Variants in MBOAT2 observed in about 807,000 individuals in gnomAD.
The protein encoded by MBOAT2 is membrane bound glycerophospholipid O-acyltransferase 2, also known as membrane-bound glycerophospholipid O-acyltransferase 2.
Under a neutral mutation model 63.4 loss-of-function variants are expected in MBOAT2, and 28 were observed. The observed-to-expected ratio is 0.44, with a 90% CI of 0.33 to 0.61. The LOEUF is 0.61. Ranked by LOEUF, MBOAT2 falls within the 20% of genes least tolerant of loss-of-function variation. The probability of loss-of-function intolerance (pLI) is 0.03; values close to 1 mark genes in which losing one functional copy is unlikely to be tolerated. For missense variants in MBOAT2, 470 were observed against 605.8 expected (o/e 0.78, Z 2.35); for synonymous variants, 211 against 215.6 (o/e 0.98, Z 0.19).
intron 1 of MBOAT2, among the ~76,000 whole-genome samples, chr2:8,959,953 T>C (rs554085540): frequency 8.5e-5 from 13 of 152,342 alleles, no homozygotes; most frequent in East Asian, 5.8e-4. Flanking sequence ...GCTATTTCCA[T>C]AGACCCATAG....
intron 1 of MBOAT2, among the ~76,000 whole-genome samples, chr2:8,995,856 G>A (rs368603205): frequency 6.6e-6 from 1 of 152,170 alleles, no homozygotes; most frequent in African/African-American, 2.4e-5. Context: ...CTCCCAAAGT[G>A]CTGGGATTAC....
intron 1 of MBOAT2, among the ~76,000 whole-genome samples, chr2:8,990,270 G>T (rs1022648219): frequency 2.6e-5 from 4 of 152,058 alleles, no homozygotes; most frequent in Non-Finnish European, 5.9e-5. Context: ...CATTTCACAA[G>T]GGCTAAACTC....
At chr2:8,949,949 T>C (rs1028408601) in intron 2 of MBOAT2, among the ~76,000 whole-genome samples, 8 of 152,216 alleles carry the variant, frequency 5.3e-5, no homozygotes, top group Non-Finnish European at 1.0e-4. Flanking sequence ...TTCCAATCCA[T>C]AAGCTGAGAG....
In MBOAT2 at chr2:8,858,670, C is replaced by A; in HGVS notation, c.*9G>T. On this transcript the variant is annotated 3_prime_UTR_variant, in exon 13 of 13. Transcript: ENST00000305997. ...CAAAAAAAAAAAACAGCCCTCAGAG[C>A]CTTCCCGATCACTGCTTTAGTGATG... The A allele has an allele frequency of 6.3e-7, 1 of 1,586,292 alleles. No homozygotes were observed. The highest frequency in any genetic ancestry group is 8.6e-7 in the Non-Finnish European group (1 of 1,163,776).
chr2:8,907,425 T>C (rs1231676113), intron 4 of MBOAT2, among the ~76,000 whole-genome samples: 1 of 152,238 alleles, frequency 6.6e-6, no homozygotes, highest in Non-Finnish European at 1.5e-5. Flanking sequence ...GCAATTCTTT[T>C]AAACTTATAT....
At chr2:8,914,489 GA>G (rs572618785) in intron 3 of MBOAT2, among the ~76,000 whole-genome samples, 11,605 of 133,952 alleles carry the variant, frequency 0.087, 469 homozygotes, top group Middle Eastern at 0.1. Context: ...GAGAGTTCAG[GA>G]AAAAAAAAAA....
chr2:8,962,003 G>A (rs776627579), intron 1 of MBOAT2, among the ~76,000 whole-genome samples: 2 of 152,066 alleles, frequency 1.3e-5, no homozygotes, highest in Non-Finnish European at 2.9e-5. Context: ...CCTGCAGTCC[G>A]CAGCTCTCCC....
chr2:8,886,702 G>C (rs972199418), intron 5 of MBOAT2, among the ~76,000 whole-genome samples: 1 of 152,030 alleles, frequency 6.6e-6, no homozygotes, highest in Admixed American at 6.6e-5. Flanking sequence ...TACAAAATGG[G>C]GTTTGTTGTT....
At chr2:8,979,588 G>A (rs1012304096) in intron 1 of MBOAT2, among the ~76,000 whole-genome samples, 6 of 152,050 alleles carry the variant, frequency 3.9e-5, no homozygotes, top group Admixed American at 2.6e-4. Context: ...GCAAGCTCAT[G>A]TTTCCTTTTA....
intron 3 of MBOAT2, among the ~76,000 whole-genome samples, chr2:8,928,715 C>T (rs988818576): frequency 1.3e-5 from 2 of 151,764 alleles, no homozygotes; most frequent in African/African-American, 4.8e-5. Context: ...TATATTTTTA[C>T]AACTCTACTG....
intron 3 of MBOAT2, among the ~76,000 whole-genome samples, chr2:8,933,865 T>A (rs1323551465): frequency 1.3e-5 from 2 of 151,910 alleles, no homozygotes; most frequent in East Asian, 3.9e-4. Context: ...ATAAAAGCCC[T>A]CGATCCAAGA....
chr2:8,965,811 C>A (rs1669940827), intron 1 of MBOAT2, among the ~76,000 whole-genome samples: 1 of 152,128 alleles, frequency 6.6e-6, no homozygotes, highest in Admixed American at 6.6e-5. Context: ...ACGTGCCCAA[C>A]AAAAGCTTGT....
chr2:8,996,498 G>A (rs1197731262), intron 1 of MBOAT2, among the ~76,000 whole-genome samples: 2 of 152,156 alleles, frequency 1.3e-5, no homozygotes. Flanking sequence ...CTCTGAAGTA[G>A]ACCCCAGCAG....
chr2:8,901,794 A>T (rs1226313172), intron 4 of MBOAT2, among the ~76,000 whole-genome samples: 1 of 152,180 alleles, frequency 6.6e-6, no homozygotes, highest in African/African-American at 2.4e-5. Flanking sequence ...CAGAGTCCTG[A>T]AGTTTATACT....
rs112386617 is a variant in MBOAT2, at chr2:8,889,893, T to C, written c.396-1820A>G. Reference sequence around the variant, plus strand: ...CCCCTGAACCCACATGCAACTTCTATTCCATCAGGTGCAAAGGACACAGAA... The same window carrying C: ...CCCCTGAACCCACATGCAACTTCTACTCCATCAGGTGCAAAGGACACAGAA... On this transcript the variant is annotated intron_variant, in intron 4 of 12. Transcript: ENST00000305997. Among the ~76,000 whole-genome samples, 320 of 152,334 alleles carry C rather than the reference T, an allele frequency of 2.1e-3. 2 individuals are homozygous for C. Among genetic ancestry groups the C allele is most frequent in the Non-Finnish European group, 2.3e-3 (154 of 68,016 alleles).
intron 1 of MBOAT2, among the ~76,000 whole-genome samples, chr2:8,982,382 A>G (rs1250165765): frequency 1.3e-5 from 2 of 152,184 alleles, no homozygotes; most frequent in African/African-American, 4.8e-5. Context: ...TGATAAACAC[A>G]ACAGCCAGAA....
chr2:8,962,329 A>C (rs1042032523), intron 1 of MBOAT2, among the ~76,000 whole-genome samples: 13 of 152,076 alleles, frequency 8.5e-5, no homozygotes, highest in African/African-American at 3.1e-4. Context: ...AAACAGAATA[A>C]TGGTCCATAA....
intron 1 of MBOAT2, among the ~76,000 whole-genome samples, chr2:8,973,225 T>C (rs1462118127): frequency 6.6e-6 from 1 of 152,028 alleles, no homozygotes; most frequent in Non-Finnish European, 1.5e-5. Context: ...TGTGGGGACA[T>C]GGATGAAGCT....
Position 8,934,975 on chromosome 2 carries a change from T to A in MBOAT2, c.299+8212A>T, listed in dbSNP as rs138680604. Among the ~76,000 whole-genome samples, 332 of 152,042 alleles carry A rather than the reference T, an allele frequency of 2.2e-3. 3 individuals are homozygous for A. Among genetic ancestry groups the A allele is most frequent in the African/African-American group, 7.3e-3 (304 of 41,466 alleles). ...TCTATCTAGGAAGCCACTGTAGGAG[T>A]GCTGTGAGTACCGGCAGATGACAGG... On this transcript the variant is annotated intron_variant, in intron 3 of 12. Transcript: ENST00000305997.
Sources: allele counts gnomAD v4.1 joint callset (sites outside exome capture counted in the v4.1 genomes callset), GRCh38; gene constraint gnomAD v4.1.1; transcripts MANE v1.5; gene names NCBI Gene and HGNC (gene_info 2026-07-23, HGNC 2026-07-21).